The following FXN variants were observed in gnomAD, a reference collection of about 807,000 sequenced individuals.
FXN encodes frataxin.
A neutral mutation model predicts 22.4 loss-of-function variants in FXN; 14 were observed. The ratio of observed to expected loss-of-function variants is 0.62; its 90% confidence interval spans 0.41 to 0.98. FXN has a LOEUF of 0.98. Ranked by LOEUF, FXN falls within the 50% of genes least tolerant of loss-of-function variation. FXN has a pLI of 0.00. For missense variants in FXN, 267 were observed against 268.4 expected (o/e 0.99, Z 0.04); for synonymous variants, 120 against 114.1 (o/e 1.05, Z -0.33).
chr9:69,075,933 A>G lies in FXN; in HGVS notation c.*3171A>G, dbSNP rs2133144678. The stretch of plus-strand genomic sequence containing the variant: ...TTGCCCAGGCTGGTCTCTAACACTT[A>G]GGCTCAAGTGATCCACCTGCCTCGT... On this transcript the variant is annotated 3_prime_UTR_variant, in exon 5 of 5. Coordinates refer to ENST00000484259, the MANE Select transcript of FXN (RefSeq NM_000144.5). The G allele has an allele frequency of 1.3e-6, 1 of 770,978 alleles. No individual in the cohort carries two copies. Among genetic ancestry groups the G allele is most frequent in the African/African-American group, 1.9e-5 (1 of 52,654 alleles). 47.8% of individuals were successfully genotyped at this position (770,978 alleles called of 1,614,324 possible). A position where few individuals can be genotyped will look rare whatever the true frequency, so the allele number is the denominator to read the frequency against.
intron 4 of FXN, among the ~76,000 whole-genome samples, chr9:69,067,001 C>T (rs1227037620): frequency 2.6e-5 from 4 of 152,236 alleles, no homozygotes; most frequent in Non-Finnish European, 5.9e-5. Context: ...CTTCCTGCGC[C>T]GTTTCCGGCA....
chr9:69,067,156 G>A (rs1832181808), intron 4 of FXN, among the ~76,000 whole-genome samples: 1 of 152,252 alleles, frequency 6.6e-6, no homozygotes, highest in South Asian at 2.1e-4. Context: ...CAGTCTGCTG[G>A]TCACTGGAGG....
chr9:69,041,222 C>CT (rs1035146375), intron 1 of FXN, among the ~76,000 whole-genome samples: 2 of 152,192 alleles, frequency 1.3e-5, no homozygotes, highest in Non-Finnish European at 1.5e-5. Context: ...TCCTCTGTAT[C>CT]TCCCCCAATC....
At position 69,036,010 on chromosome 9, in the gene FXN, C is replaced by G. The variant is rs899642223; in HGVS notation, c.165+63C>G. The G allele has an allele frequency of 1.9e-5, 23 of 1,213,778 alleles. No individual in the cohort carries two copies. In the South Asian group the frequency reaches 5.4e-4, roughly 29 times the overall value. The allele number at this position is 1,213,778 out of a possible 1,614,324, so 75.2% of individuals were successfully genotyped here. On this transcript the variant is annotated intron_variant, in intron 1 of 4. Transcript: ENST00000484259. ...CCGCGGGCCGCACGCCGCACGCCTGCGCAGGGAGGCGCCGCGCACGCCGGG... is the reference window on the plus strand; with the variant it reads ...CCGCGGGCCGCACGCCGCACGCCTGGGCAGGGAGGCGCCGCGCACGCCGGG...
At chr9:69,060,765 C>G (rs1161142674) in intron 3 of FXN, among the ~76,000 whole-genome samples, 1 of 152,210 alleles carries the variant, frequency 6.6e-6, no homozygotes, top group Non-Finnish European at 1.5e-5. Flanking sequence ...TGGTATCACA[C>G]TACCTGGACA....
chr9:69,070,073 AC>A (rs1264474415), intron 4 of FXN, among the ~76,000 whole-genome samples: 1 of 152,060 alleles, frequency 6.6e-6, no homozygotes, highest in Non-Finnish European at 1.5e-5. Flanking sequence ...TACCAAAAAT[AC>A]AAAAATTAGC....
chr9:69,037,284 A>AAAAAGAAGAAGAAGAAGAAGAAG (rs544093183), intron 1 of FXN, among the ~76,000 whole-genome samples: 13 of 78,060 alleles, frequency 1.7e-4, no homozygotes, highest in African/African-American at 3.3e-4. Context: ...AAAAAAAAAA[A>AAAAAGAAGAAGAAGAAGAAGAAG]AAGAAGAAGA....
In FXN at chr9:69,072,867, A is replaced by G. The variant is rs1412716306; in HGVS notation, c.*105A>G. 6.3e-7 allele frequency: 1 copy of G among 1,590,712 alleles called. No homozygotes were observed. Among genetic ancestry groups the G allele is most frequent in the Non-Finnish European group, 8.5e-7 (1 of 1,172,728 alleles). On this transcript the variant is annotated 3_prime_UTR_variant, in exon 5 of 5. Transcript: ENST00000484259. ...GTTGTTGTTGTTGTTTATTTTTTTT[A>G]TTCCTGCTTTTGAGGACAGTTGGGC... is the stretch of plus-strand genomic sequence containing the variant.
At chr9:69,048,552 C>A (rs1001168233) in intron 2 of FXN, among the ~76,000 whole-genome samples, 3 of 151,952 alleles carry the variant, frequency 2.0e-5, no homozygotes, top group African/African-American at 7.3e-5. Flanking sequence ...CTGCAGTGAG[C>A]TGAGATCATG....
At chr9:69,046,646 G>A (rs1053681112) in intron 2 of FXN, among the ~76,000 whole-genome samples, 164 bp downstream of exon 2, 1 of 152,170 alleles carries the variant, frequency 6.6e-6, no homozygotes, top group Non-Finnish European at 1.5e-5. Flanking sequence ...AGATTGCATG[G>A]ATGTGACATA....
In FXN at chr9:69,065,123, G is replaced by A. The variant is rs1832145676; in HGVS notation, c.482+88G>A. The A allele has an allele frequency of 5.9e-6, 6 of 1,013,554 alleles. No homozygotes were observed. The South Asian group carries it at 7.8e-5, about 13-fold the overall frequency. 62.8% of individuals were successfully genotyped at this position (1,013,554 alleles called of 1,614,324 possible). ...GTGGACCATTTAAGAAATGTCGGCT[G>A]AGCACAGTGGCTGACACCTGTAATC... On this transcript the variant is annotated intron_variant, in intron 4 of 4. Coordinates refer to ENST00000484259, the MANE Select transcript of FXN (RefSeq NM_000144.5).
intron 3 of FXN, among the ~76,000 whole-genome samples, chr9:69,060,780 C>T (rs1176561904): frequency 6.6e-6 from 1 of 152,240 alleles, no homozygotes; most frequent in Non-Finnish European, 1.5e-5. Context: ...TGGACATCAT[C>T]TGCTCATTCA....
intron 2 of FXN, among the ~76,000 whole-genome samples, chr9:69,048,403 A>G (rs1831797323): frequency 6.6e-6 from 1 of 152,078 alleles, no homozygotes; most frequent in Non-Finnish European, 1.5e-5. Flanking sequence ...CAGGAGTTCA[A>G]GACCAGCCTG....
intron 2 of FXN, among the ~76,000 whole-genome samples, chr9:69,051,303 G>C (rs933661471): frequency 2.0e-5 from 3 of 151,906 alleles, no homozygotes; most frequent in Non-Finnish European, 2.9e-5. Context: ...TGTTGTCTCA[G>C]ATTCCTGGGT....
chr9:69,052,988 C>CATAGATGGATGGATGGA, intron 2 of FXN, 152 bp from the exon 3 acceptor site: 3 of 798,218 alleles, frequency 3.8e-6, no homozygotes, highest in South Asian at 3.8e-5. Flanking sequence ...GAGACTCTGT[C>CATAGATGGATGGATGGA]TCAAAAAAAA....
At chr9:69,068,160 G>A (rs1423230611) in intron 4 of FXN, among the ~76,000 whole-genome samples, 2 of 152,198 alleles carry the variant, frequency 1.3e-5, no homozygotes, top group Non-Finnish European at 2.9e-5. Flanking sequence ...GCTACCCTGA[G>A]AGGATCGCAT....
chr9:69,078,795 C>T lies in FXN; in HGVS notation c.*6033C>T. 2.0e-6 allele frequency: 2 copies of T among 985,672 alleles called. No homozygotes were observed. Among genetic ancestry groups the T allele is most frequent in the Non-Finnish European group, 1.2e-6 (1 of 830,100 alleles). 61.1% of individuals were successfully genotyped at this position (985,672 alleles called of 1,614,324 possible). ...CCCTGAAAAATGTTCTTGGCACAGC[C>T]TTGCAAACTCCTCCTCCACTCAGCC... is the stretch of plus-strand genomic sequence containing the variant. On this transcript the variant is annotated 3_prime_UTR_variant, in exon 5 of 5. Coordinates refer to ENST00000484259, the MANE Select transcript of FXN (RefSeq NM_000144.5).
At chr9:69,043,781 AC>A (rs1831698663) in intron 1 of FXN, among the ~76,000 whole-genome samples, 1 of 152,046 alleles carries the variant, frequency 6.6e-6, no homozygotes, top group African/African-American at 2.4e-5. Context: ...GCGGGGTTTC[AC>A]CATGTTGGCC....
At chr9:69,036,770 G>A (rs952674924) in intron 1 of FXN, among the ~76,000 whole-genome samples, 1 of 152,142 alleles carries the variant, frequency 6.6e-6, no homozygotes, top group African/African-American at 2.4e-5. Flanking sequence ...ACCCAGTTAC[G>A]CCACGGCTTG....
Sources: gnomAD v4.1 joint callset for allele counts (sites outside exome capture counted in the v4.1 genomes callset) on GRCh38, gnomAD v4.1.1 for gene constraint, MANE v1.5 for transcripts, NCBI Gene and HGNC (gene_info 2026-07-23, HGNC 2026-07-21) for gene names.